Variants in ARL5C observed in about 807,000 individuals in gnomAD.
The protein encoded by ARL5C is ARF like GTPase 5C.
A neutral mutation model predicts 20.8 loss-of-function variants in ARL5C; 21 were observed. The ratio of observed to expected loss-of-function variants is 1.01; its 90% CI spans 0.72 to 1.46. The LOEUF is 1.46. Among genes scored for constraint, ARL5C ranks in the 40% most tolerant of loss-of-function variants. The pLI is 0.00. For missense variants in ARL5C, 199 were observed against 225.1 expected, an observed-to-expected ratio of 0.88 and a Z score of 0.74; for synonymous variants, 71 against 81.6, an observed-to-expected ratio of 0.87 and a Z score of 0.70.
chr17:39,165,461 C>T (rs2045458188), intron 1 of ARL5C: 1 of 593,564 alleles, frequency 1.7e-6, no homozygotes, highest in Non-Finnish European at 3.0e-6. Context: ...AGCAGCCCCC[C>T]ATCCCCGCCG....
chr17:39,157,799 A>T (rs1159383660), intron 5 of ARL5C, among the ~76,000 whole-genome samples: 87 of 150,070 alleles, frequency 5.8e-4, no homozygotes, highest in African/African-American at 2.1e-3. Context: ...CAAAAAAAAA[A>T]AAAGAAAAAA....
intron 5 of ARL5C, among the ~76,000 whole-genome samples, chr17:39,159,303 T>C (rs1381705331): frequency 2.0e-5 from 3 of 148,032 alleles, no homozygotes; most frequent in African/African-American, 7.5e-5. Context: ...CTTTCTTTTT[T>C]TTTTTTTTTT....
At position 39,161,253 on chromosome 17, in the gene ARL5C, C is replaced by T. The variant is rs1567780721; in HGVS notation, c.339+15G>A. The T allele has an allele frequency of 6.4e-7, 1 of 1,551,162 alleles. No homozygotes were observed. The highest frequency in any genetic ancestry group is 1.7e-4 in the Middle Eastern group (1 of 5,990). ...CTAGTACCACTGGGCCCTCTCCCAACTGCAGGGGGCTTACCTCATGGGCCA... is the reference window on the plus strand; with the variant it reads ...CTAGTACCACTGGGCCCTCTCCCAATTGCAGGGGGCTTACCTCATGGGCCA... On this transcript the variant is annotated intron_variant, in intron 4 of 5. Transcript: ENST00000269586.
At position 39,160,730 on chromosome 17, in the gene ARL5C, C is replaced by T; in HGVS notation, c.352G>A (p.Ala118Thr). The T allele has an allele frequency of 3.2e-6, 5 of 1,551,562 alleles. No homozygotes were observed. Among genetic ancestry groups the T allele is most frequent in the Non-Finnish European group, 4.4e-6 (5 of 1,146,978 alleles). The change falls in exon 5 of 6, where the codon GCT (alanine) becomes ACT (threonine). Residue 118 changes from alanine to threonine, a missense_variant. Physicochemically the swap from Ala to Thr is moderately conservative, Grantham distance 58. Transcript: ENST00000269586. ...TTATTGGCAAATATCAGGACTGAAG[C>T]ATCCTGTAGAGCCTGTGGACAGAGG... The part of the protein sequence containing the change: ...KMLAHEALQD[A>T]SVLIFANKQD...
intron 5 of ARL5C, among the ~76,000 whole-genome samples, chr17:39,158,527 C>T (rs991463536): frequency 3.2e-4 from 48 of 151,566 alleles, no homozygotes; most frequent in East Asian, 7.8e-4. Flanking sequence ...GTGGGAGGAT[C>T]GCTTGAGCCC....
At chr17:39,161,131 C>G in intron 4 of ARL5C, 137 bp downstream of exon 4, 1 of 817,688 alleles carries the variant, frequency 1.2e-6, no homozygotes, top group Non-Finnish European at 2.0e-6. Flanking sequence ...CAGGCACAAA[C>G]CAGCCCTCCT....
intron 2 of ARL5C, 140 bp from the exon 3 acceptor site, chr17:39,162,998 G>A: frequency 9.8e-7 from 1 of 1,023,544 alleles, no homozygotes; most frequent in Non-Finnish European, 1.4e-6. Context: ...CTCGGAGCCA[G>A]GCCCCGTGCT....
At position 39,157,273 on chromosome 17, in the gene ARL5C, G is replaced by A. The variant is rs543824696; in HGVS notation, c.492-331C>T. ...CCTCTGGATGCCTGAGAGTCAGGGAGGGCTTCTCTGAGGAAGGAGCCTGGA... is the reference window on the plus strand; with the variant it reads ...CCTCTGGATGCCTGAGAGTCAGGGAAGGCTTCTCTGAGGAAGGAGCCTGGA... On this transcript the variant is annotated intron_variant, in intron 5 of 5. Transcript: ENST00000269586. Among the ~76,000 whole-genome samples, 3 of 152,334 alleles carry A rather than the reference G, an allele frequency of 2.0e-5. No homozygotes were observed. In the East Asian group the frequency reaches 5.8e-4, roughly 29 times the overall value.
intron 2 of ARL5C, among the ~76,000 whole-genome samples, chr17:39,163,408 TTCTC>T (rs889681323): frequency 3.0e-4 from 37 of 124,200 alleles, no homozygotes; most frequent in African/African-American, 9.5e-4. Flanking sequence ...CTTTCTTTCC[TTCTC>T]TCTCTCTCTT....
intron 2 of ARL5C, among the ~76,000 whole-genome samples, chr17:39,163,798 T>A (rs1041328002): frequency 6.6e-6 from 1 of 151,022 alleles, no homozygotes; most frequent in African/African-American, 2.4e-5. Context: ...TCCGCCTCCC[T>A]TTGTCGCCCA....
chr17:39,165,369 G>A, intron 1 of ARL5C: 2 of 594,736 alleles, frequency 3.4e-6, no homozygotes, highest in African/African-American at 1.9e-5. Context: ...GTGTCTGAAA[G>A]GCCCGGGGCG....
rs370090393 is a variant in ARL5C at position 39,156,939 on chromosome 17, C to G, written c.495G>C (p.Leu165=). ...QGCCALTREG[L]PARLQWMESQ... is the part of the protein sequence containing the mutation. Reference sequence around the variant, plus strand: ...ATTCCATCCACTGAAGTCTGGCAGGCAGCCTGCAGGGAGGAAGGAACAGGA... The same window carrying G: ...ATTCCATCCACTGAAGTCTGGCAGGGAGCCTGCAGGGAGGAAGGAACAGGA... Residue 165 remains leucine, a synonymous_variant, in exon 6 of 6, where the codon CTG becomes CTC. Transcript: ENST00000269586. The G allele has an allele frequency of 6.4e-7, 1 of 1,551,870 alleles. No individual in the cohort carries two copies. Among genetic ancestry groups the G allele is most frequent in the Non-Finnish European group, 8.7e-7 (1 of 1,146,982 alleles).
At chr17:39,163,345 C>CCTGCCTTTCTTT (rs1555576109) in intron 2 of ARL5C, among the ~76,000 whole-genome samples, 1 of 136,740 alleles carries the variant, frequency 7.3e-6, no homozygotes, top group Non-Finnish European at 1.6e-5. Flanking sequence ...CAGGCTTTTG[C>CCTGCCTTTCTTT]CTTTCTTTCT....
intron 5 of ARL5C, 170 bp downstream of exon 5, chr17:39,160,421 C>T: frequency 1.5e-6 from 1 of 687,940 alleles, no homozygotes; most frequent in Non-Finnish European, 2.4e-6. Context: ...ATGCTGTCTG[C>T]TTGTGGCTTA....
rs748554586 is a variant in ARL5C, at chr17:39,160,564, A to G, written c.491+27T>C. On this transcript the variant is annotated intron_variant, in intron 5 of 5. Transcript: ENST00000269586. ...TCATCCATTGGTTCAGCCAGGCCCT[A>G]GAGATCCAGGTAGGGCAGCCACTAA... The G allele has an allele frequency of 8.8e-5, 137 of 1,549,978 alleles. 4 individuals are homozygous for G. In the South Asian group the frequency reaches 1.6e-3, roughly 18 times the overall value.
In ARL5C at chr17:39,166,060, G is replaced by C. The variant is rs1008538921; in HGVS notation, c.-300C>G. 1.1e-5 allele frequency: 5 copies of C among 437,318 alleles called. No homozygotes were observed. The highest frequency in any genetic ancestry group is 2.1e-5 in the Non-Finnish European group (5 of 237,742). The allele number at this position is 437,318 out of a possible 1,614,324, so 27.1% of individuals were successfully genotyped here. On this transcript the variant is annotated 5_prime_UTR_variant, in exon 1 of 6. Coordinates refer to ENST00000269586, the MANE Select transcript of ARL5C (RefSeq NM_001143968.1). ...CTGCGAAAACTCCTGAGTTCTCCGG[G>C]TGGACTGCTCCACTACCGCAAATCA...
At position 39,160,598 on chromosome 17, in the gene ARL5C, T is replaced by C. The variant is rs865780214; in HGVS notation, c.484A>G (p.Arg162Gly). Residue 162 changes from arginine (R) to glycine (G), a missense_variant, in exon 5 of 6, where the codon AGG becomes GGG. By Grantham distance (125) the Arg-to-Gly change is moderately radical (BLOSUM62 -2). Coordinates refer to ENST00000269586, the MANE Select transcript of ARL5C (RefSeq NM_001143968.1). ...WHIQGCCALTREGLPARLQWM... is the reference protein window; with the variant it reads ...WHIQGCCALTGEGLPARLQWM... ...GGTAGGGCAGCCACTAACCCTTCCC[T>C]GGTGAGGGCACAGCAGCCTTGTATA... 21 of 1,551,700 alleles carry C rather than the reference T, an allele frequency of 1.4e-5. No individual in the cohort carries two copies. The highest frequency in any genetic ancestry group is 2.7e-5 in the African/African-American group (2 of 73,034).
chr17:39,159,019 C>CTTTTTTTT (rs1395516312), intron 5 of ARL5C, among the ~76,000 whole-genome samples: 19 of 64,016 alleles, frequency 3.0e-4, no homozygotes, highest in Non-Finnish European at 4.2e-4. Flanking sequence ...TCATTTATCA[C>CTTTTTTTT]TTGTTTTTTT....
At chr17:39,158,962 A>G (rs2045420192) in intron 5 of ARL5C, among the ~76,000 whole-genome samples, 1 of 147,748 alleles carries the variant, frequency 6.8e-6, no homozygotes, top group African/African-American at 2.5e-5. Flanking sequence ...ACAGGCATGA[A>G]CCACCATGCT....
Sources: allele counts gnomAD v4.1 joint callset (sites outside exome capture counted in the v4.1 genomes callset), GRCh38; gene constraint gnomAD v4.1.1; transcripts MANE v1.5; gene names NCBI Gene and HGNC (gene_info 2026-07-23, HGNC 2026-07-21).